The following CHD3 variants were observed in gnomAD, a reference collection of about 807,000 sequenced individuals.
CHD3 encodes chromodomain helicase DNA binding protein 3.
CHD3 carries 52 observed loss-of-function variants against 248.9 expected under a neutral mutation model. That is an observed-to-expected ratio of 0.21 (90% CI 0.17 to 0.26). The LOEUF is 0.26. CHD3 is among the 10% of genes least tolerant of loss of function. The pLI, the probability that CHD3 is intolerant of heterozygous loss-of-function variation, is 1.00. For synonymous variants in CHD3, 985 were observed against 985.2 expected (o/e 1.00, Z 0.00); for missense variants, 1,482 against 2,605.8 (o/e 0.57, Z 9.39).
Position 7,888,791 on chromosome 17 carries a change from A to G in CHD3, c.-210A>G. On this transcript the variant is annotated 5_prime_UTR_variant, in exon 1 of 40. The change creates a new upstream start codon in the 5' untranslated region. Transcript: ENST00000330494. ...GCTGGGTGTGTCTGTCTGTGCCTATATCTTTGTTTGGGTCTCCCATACTGC... is the reference window on the plus strand; with the variant it reads ...GCTGGGTGTGTCTGTCTGTGCCTATGTCTTTGTTTGGGTCTCCCATACTGC... 2.1e-6 allele frequency: 3 copies of G among 1,416,458 alleles called. No individual in the cohort carries two copies. Among genetic ancestry groups the G allele is most frequent in the Non-Finnish European group, 2.8e-6 (3 of 1,089,146 alleles). The allele number at this position is 1,416,458 out of a possible 1,614,324, so 87.7% of individuals were successfully genotyped here. A position where few individuals can be genotyped will look rare whatever the true frequency, so the allele number is the denominator to read the frequency against.
Position 7,911,723 on chromosome 17 carries a change from C to T in CHD3, c.*138C>T. On this transcript the variant is annotated 3_prime_UTR_variant, in exon 40 of 40. Transcript: ENST00000330494. The surrounding 1 kb of genome is among the most constrained non-coding windows in gnomAD (Gnocchi z 5.4). ...GGGCTAGGAACCCCTTTGCCCCTCT[C>T]TGCAGCTCCTCTCTTCAAGAAGGGC... is the stretch of plus-strand genomic sequence containing the variant. 6.5e-7 allele frequency: 1 copy of T among 1,548,906 alleles called. No homozygotes were observed. Among genetic ancestry groups the T allele is most frequent in the South Asian group, 1.2e-5 (1 of 84,864 alleles).
In CHD3 at chr17:7,906,452, T is replaced by G; in HGVS notation, c.4359-101T>G. 3 of 1,247,546 alleles carry G rather than the reference T, an allele frequency of 2.4e-6. No individual in the cohort carries two copies. The highest frequency in any genetic ancestry group is 3.4e-6 in the Non-Finnish European group (3 of 871,948). 77.3% of individuals were successfully genotyped at this position (1,247,546 alleles called of 1,614,324 possible). A position where few individuals can be genotyped will look rare whatever the true frequency, so the allele number is the denominator to read the frequency against. On this transcript the variant is annotated intron_variant, in intron 28 of 39. Coordinates refer to ENST00000330494, the MANE Select transcript of CHD3 (RefSeq NM_001005273.3). The surrounding 1 kb of genome is among the most constrained non-coding windows in gnomAD (Gnocchi z 5.0). ...GGAGGAGCCCTGGAGCACCTGGGGA[T>G]TTGGGGGTTTGGGGGTCCTCAGTCA... is the stretch of plus-strand genomic sequence containing the variant.
At chr17:7,894,387 C>T (rs1168412895) in intron 7 of CHD3, 28 bp from the exon 8 acceptor site, 1 of 1,596,986 alleles carries the variant, frequency 6.3e-7, no homozygotes, top group African/African-American at 1.3e-5. Context: ...GCCCTGCTTC[C>T]TTATCCCTCC....
chr17:7,894,026 C>T, intron 6 of CHD3, 89 bp from the exon 7 acceptor site: 1 of 1,589,684 alleles, frequency 6.3e-7, no homozygotes, highest in South Asian at 1.1e-5. Flanking sequence ...AGACAGGGAT[C>T]CGTGAGGGAT....
At chr17:7,902,796 G>T (rs1295259992) in intron 21 of CHD3, 69 bp downstream of exon 21, 8 of 1,589,128 alleles carry the variant, frequency 5.0e-6, no homozygotes, top group Non-Finnish European at 6.9e-6. Context: ...TCCCTGGGAT[G>T]GGAGGGGGAC....
chr17:7,894,038 G>T, intron 6 of CHD3, 77 bp from the exon 7 acceptor site: 1 of 1,162,062 alleles, frequency 8.6e-7, no homozygotes. Flanking sequence ...GTGAGGGATG[G>T]CGGAACAGGA....
upstream of CHD3, among the ~76,000 whole-genome samples, chr17:7,888,582 A>C (rs888140224): frequency 2.6e-5 from 4 of 152,132 alleles, no homozygotes; most frequent in African/African-American, 9.7e-5. Flanking sequence ...AAGCCTTCAC[A>C]GAGTGACACC....
In CHD3 at chr17:7,909,033, C is replaced by T. The variant is rs1971322900; in HGVS notation, c.5395-110C>T. On this transcript the variant is annotated intron_variant, in intron 36 of 39. Coordinates refer to ENST00000330494, the MANE Select transcript of CHD3 (RefSeq NM_001005273.3). This position sits in a 1 kb window ranked among gnomAD's most constrained non-coding sequence, Gnocchi z 8.1. ...CGCAGTCGGTTTGGAGCTGGGAGTG[C>T]CCTGGGCCAGCAGTGAGGGCAGGGT... The T allele has an allele frequency of 6.8e-7, 1 of 1,466,114 alleles. No homozygotes were observed. The highest frequency in any genetic ancestry group is 9.2e-7 in the Non-Finnish European group (1 of 1,082,288). The allele number at this position is 1,466,114 out of a possible 1,614,324, so 90.8% of individuals were successfully genotyped here. A position where few individuals can be genotyped will look rare whatever the true frequency, so the allele number is the denominator to read the frequency against.
At chr17:7,896,601 C>T (rs1969697384) in intron 10 of CHD3, among the ~76,000 whole-genome samples, 2 of 151,130 alleles carry the variant, frequency 1.3e-5, no homozygotes, top group Admixed American at 1.3e-4. Context: ...GACGGGGTTT[C>T]TCCATGTTGA....
chr17:7,907,718 GA>G lies in CHD3; in HGVS notation c.5026+17del. 1 of 1,522,372 alleles carries G rather than the reference GA, an allele frequency of 6.6e-7. No individual in the cohort carries two copies. The highest frequency in any genetic ancestry group is 1.4e-5 in the African/African-American group (1 of 71,344). 94.3% of individuals were successfully genotyped at this position (1,522,372 alleles called of 1,614,324 possible). A position where few individuals can be genotyped will look rare whatever the true frequency, so the allele number is the denominator to read the frequency against. On this transcript the variant is annotated intron_variant, in intron 33 of 39. Transcript: ENST00000330494. This position sits in a 1 kb window ranked among gnomAD's most constrained non-coding sequence, Gnocchi z 4.3. ...GGCAAGAGAGGTAATGGGTGGAAGG[GA>G]CCGGACACCTGGGTCCCAGAGGGCA... is the stretch of plus-strand genomic sequence containing the variant.
Position 7,888,914 on chromosome 17 carries a change from A to G in CHD3, c.-87A>G. Reference sequence around the variant, plus strand: ...TGGCCCCCTAGTTCCCAAAGGGAGCAGGGAGATGGGAATAGAATTGAAGGT... The same window carrying G: ...TGGCCCCCTAGTTCCCAAAGGGAGCGGGGAGATGGGAATAGAATTGAAGGT... On this transcript the variant is annotated 5_prime_UTR_variant, in exon 1 of 40. Coordinates refer to ENST00000330494, the MANE Select transcript of CHD3 (RefSeq NM_001005273.3). 6.3e-7 allele frequency: 1 copy of G among 1,593,800 alleles called. No individual in the cohort carries two copies. Among genetic ancestry groups the G allele is most frequent in the South Asian group, 1.1e-5 (1 of 88,162 alleles).
In CHD3 at chr17:7,906,601, C is replaced by G. The variant is rs200904309; in HGVS notation, c.4407C>G (p.Asp1469Glu). ...GCCATCTGTGTGAGCCTGGGGCAGA[C>G]GGCTCTGAAACCTTTGCCGATGGGG... ...FMRHLCEPGA[D>E]GSETFADGVP... is the part of the protein sequence containing the mutation. The change falls in exon 29 of 40, where the codon GAC becomes GAG. Residue 1469 changes from aspartate to glutamate, a missense_variant. By Grantham distance (45) the Asp-to-Glu change is conservative. This residue lies in a region of CHD3 where 156 missense variants were observed against 420.3 expected (regional missense o/e 0.37). Transcript: ENST00000330494. The surrounding 1 kb of genome is among the most constrained non-coding windows in gnomAD (Gnocchi z 5.0). 1.9e-6 allele frequency: 3 copies of G among 1,613,774 alleles called. No individual in the cohort carries two copies. Among genetic ancestry groups the G allele is most frequent in the Non-Finnish European group, 2.5e-6 (3 of 1,179,924 alleles).
Position 7,911,877 on chromosome 17 carries a change from A to G in CHD3, c.*292A>G. ...ACCTTCCTCCCACACTGCCAAGTAT[A>G]CACAACTTCCCAGTAAATGGTTGTG... On this transcript the variant is annotated 3_prime_UTR_variant, in exon 40 of 40. Coordinates refer to ENST00000330494, the MANE Select transcript of CHD3 (RefSeq NM_001005273.3). This position sits in a 1 kb window ranked among gnomAD's most constrained non-coding sequence, Gnocchi z 5.4. The G allele has an allele frequency of 1.6e-6, 1 of 642,498 alleles. No homozygotes were observed. Among genetic ancestry groups the G allele is most frequent in the Non-Finnish European group, 2.4e-6 (1 of 415,752 alleles). 39.8% of individuals were successfully genotyped at this position (642,498 alleles called of 1,614,324 possible).
At position 7,888,835 on chromosome 17, in the gene CHD3, G is replaced by T; in HGVS notation, c.-166G>T. 1 of 1,452,804 alleles carries T rather than the reference G, an allele frequency of 6.9e-7. No individual in the cohort carries two copies. The highest frequency in any genetic ancestry group is 9.0e-7 in the Non-Finnish European group (1 of 1,107,556). 90.0% of individuals were successfully genotyped at this position (1,452,804 alleles called of 1,614,324 possible). A position where few individuals can be genotyped will look rare whatever the true frequency, so the allele number is the denominator to read the frequency against. The stretch of plus-strand genomic sequence containing the variant: ...ATACTGCGTATAGATGAATGGGTCA[G>T]GATATCTGGAACAAAATATGGAGGT... On this transcript the variant is annotated 5_prime_UTR_variant, in exon 1 of 40. The change creates a new upstream start codon in the 5' untranslated region. Transcript: ENST00000330494.
Position 7,906,986 on chromosome 17 carries a change from A to G in CHD3, c.4621A>G (p.Thr1541Ala). 6.2e-7 allele frequency: 1 copy of G among 1,613,798 alleles called. No homozygotes were observed. The highest frequency in any genetic ancestry group is 8.5e-7 in the Non-Finnish European group (1 of 1,179,936). ...CTCTCCTACCAAAACGTCTCCCACC[A>G]CTCCTGAGGCTTCTGCTACCAACAG... Reference protein sequence around the residue: ...ASSPTKTSPTTPEASATNSPC... With the variant: ...ASSPTKTSPTAPEASATNSPC... The change falls in exon 30 of 40, where the codon ACT becomes GCT. Residue 1541 changes from threonine to alanine, a missense_variant. Physicochemically the swap from Thr to Ala is moderately conservative, Grantham distance 58. This residue lies in a region of CHD3 where 254 missense variants were observed against 266.7 expected (regional missense o/e 0.95). Transcript: ENST00000330494. The surrounding 1 kb of genome is among the most constrained non-coding windows in gnomAD (Gnocchi z 5.0).
At chr17:7,888,387 A>T (rs1968321074), upstream of CHD3, among the ~76,000 whole-genome samples, 1 of 152,166 alleles carries the variant, frequency 6.6e-6, no homozygotes. Flanking sequence ...TGTGTCCTAG[A>T]GCTAGGGGCT....
chr17:7,892,520 T>A (rs1323601139), intron 4 of CHD3, among the ~76,000 whole-genome samples: 1 of 134,946 alleles, frequency 7.4e-6, no homozygotes, highest in South Asian at 2.4e-4. Context: ...TTTTTTGAGA[T>A]GGAATCTCAC....
chr17:7,895,208 C>T lies in CHD3; in HGVS notation c.1503+58C>T, dbSNP rs1969473552. ...GTCAGGCCTGATCCCTTCCCCCATCCCTGGGGCCCACATGTCCAGCTTTTC... is the reference window on the plus strand; with the variant it reads ...GTCAGGCCTGATCCCTTCCCCCATCTCTGGGGCCCACATGTCCAGCTTTTC... On this transcript the variant is annotated intron_variant, in intron 9 of 39. Transcript: ENST00000330494. This position sits in a 1 kb window ranked among gnomAD's most constrained non-coding sequence, Gnocchi z 4.9. 6.3e-7 allele frequency: 1 copy of T among 1,589,682 alleles called. No individual in the cohort carries two copies. The highest frequency in any genetic ancestry group is 1.3e-5 in the African/African-American group (1 of 74,666).
At position 7,907,628 on chromosome 17, in the gene CHD3, G is replaced by A. The variant is rs1193842302; in HGVS notation, c.4952G>A (p.Gly1651Glu). ...SATESTPGER[G>E]EEKPLDGQEH... ...ACAGAGTCGACGCCAGGAGAAAGGG[G>A]GGAGGAGAAGCCGTTGGATGGACAG... The change falls in exon 33 of 40, where the codon GGG becomes GAG. Residue 1651 changes from glycine to glutamate, a missense_variant. By Grantham distance (98) the Gly-to-Glu change is moderately conservative. This residue lies in a region of CHD3 where 254 missense variants were observed against 266.7 expected (regional missense o/e 0.95). Coordinates refer to ENST00000330494, the MANE Select transcript of CHD3 (RefSeq NM_001005273.3). The surrounding 1 kb of genome is among the most constrained non-coding windows in gnomAD (Gnocchi z 4.3). The A allele has an allele frequency of 1.3e-6, 2 of 1,524,286 alleles. No homozygotes were observed. Among genetic ancestry groups the A allele is most frequent in the Non-Finnish European group, 1.8e-6 (2 of 1,140,516 alleles). The allele number at this position is 1,524,286 out of a possible 1,614,324, so 94.4% of individuals were successfully genotyped here. A position where few individuals can be genotyped will look rare whatever the true frequency, so the allele number is the denominator to read the frequency against.
Sources: allele counts gnomAD v4.1 joint callset (sites outside exome capture counted in the v4.1 genomes callset), GRCh38; gene constraint gnomAD v4.1.1; regional missense constraint gnomAD v4.1.1; non-coding constraint Gnocchi (gnomAD v3.1); transcripts MANE v1.5; gene names NCBI Gene and HGNC (gene_info 2026-07-23, HGNC 2026-07-21).